Variants in PCDHGA6 observed in about 807,000 individuals in gnomAD.
The protein encoded by PCDHGA6 is protocadherin gamma subfamily A, 6.
A neutral mutation model predicts 60.6 loss-of-function variants in PCDHGA6; 41 were observed. That is an observed-to-expected ratio of 0.68 (90% confidence interval 0.53 to 0.88). PCDHGA6 has a LOEUF of 0.88. PCDHGA6 is among the 40% of genes least tolerant of loss of function. PCDHGA6 has a pLI of 0.00. For synonymous variants in PCDHGA6, 594 were observed against 524.4 expected (o/e 1.13, Z -1.81); for missense variants, 1,312 against 1,203.0 (o/e 1.09, Z -1.34).
Position 141,487,413 on chromosome 5 carries a change from A to G in PCDHGA6, c.2425-7394A>G, listed in dbSNP as rs1562119204. The G allele has an allele frequency of 1.2e-6, 2 of 1,614,172 alleles. No homozygotes were observed. The highest frequency in any genetic ancestry group is 2.2e-5 in the East Asian group (1 of 44,862). ...AGGAGGGAGGGGCTTCCCCCTTCCA[A>G]TGGGATCCTCCGAATCCAGCTAGGG... On this transcript the variant is annotated intron_variant, in intron 1 of 3. Coordinates refer to ENST00000517434, the MANE Select transcript of PCDHGA6 (RefSeq NM_018919.3). This position sits in a 1 kb window ranked among gnomAD's most constrained non-coding sequence, Gnocchi z 5.0.
rs553673516 is a variant in PCDHGA6, at chr5:141,476,211, T to C, written c.2425-18596T>C. The C allele has an allele frequency of 5.4e-5, 87 of 1,613,942 alleles. No individual in the cohort carries two copies. The highest frequency in any genetic ancestry group is 7.0e-5 in the Non-Finnish European group (83 of 1,180,000). ...GGTGCCTTGAACAAGGCTTCCACGG[T>C]CATTCACTATGAGATCCCGGAGGAA... On this transcript the variant is annotated intron_variant, in intron 1 of 3. Coordinates refer to ENST00000517434, the MANE Select transcript of PCDHGA6 (RefSeq NM_018919.3). The surrounding 1 kb of genome is among the most constrained non-coding windows in gnomAD (Gnocchi z 7.6).
At chr5:141,419,533 C>T in intron 1 of PCDHGA6, 1 of 1,612,106 alleles carries the variant, frequency 6.2e-7, no homozygotes, top group Non-Finnish European at 8.5e-7. Context: ...GTAACGACAA[C>T]GCACCGCGGG....
chr5:141,396,935 C>T (rs545100008), intron 1 of PCDHGA6, among the ~76,000 whole-genome samples: 1 of 152,240 alleles, frequency 6.6e-6, no homozygotes, highest in South Asian at 2.1e-4. Flanking sequence ...ATGAAAGTTG[C>T]CCTGGTAGGA....
intron 3 of PCDHGA6, among the ~76,000 whole-genome samples, chr5:141,509,583 A>G (rs1008344833): frequency 7.2e-5 from 11 of 152,320 alleles, no homozygotes; most frequent in African/African-American, 2.4e-4. Flanking sequence ...CGTACAAATC[A>G]GCTGGCAATT....
At chr5:141,503,729 G>C (rs531112359) in intron 2 of PCDHGA6, among the ~76,000 whole-genome samples, 1 of 152,190 alleles carries the variant, frequency 6.6e-6, no homozygotes, top group East Asian at 1.9e-4. Flanking sequence ...CTTTATGTTT[G>C]TTGTGATGGT....
chr5:141,478,347 C>T, intron 1 of PCDHGA6: 2 of 1,613,802 alleles, frequency 1.2e-6, no homozygotes, highest in Non-Finnish European at 1.7e-6. Context: ...TCCTTGCACG[C>T]GGACGCCGTG....
At position 141,400,132 on chromosome 5, in the gene PCDHGA6, C is replaced by T. The variant is rs762060556; in HGVS notation, c.2424+23625C>T. 6.3e-5 allele frequency: 101 copies of T among 1,613,964 alleles called. No individual in the cohort carries two copies. The highest frequency in any genetic ancestry group is 8.4e-5 in the Non-Finnish European group (99 of 1,179,904). On this transcript the variant is annotated intron_variant, in intron 1 of 3. Coordinates refer to ENST00000517434, the MANE Select transcript of PCDHGA6 (RefSeq NM_018919.3). ...TGCTGACAGCTTGCAGGAGGTGCTG[C>T]CGGATATCACTGACCGCCCTGTACC...
rs966009387 is a variant in PCDHGA6, at chr5:141,511,564, G to A, written c.*391G>A. The A allele has an allele frequency of 3.0e-5, 9 of 295,900 alleles. No individual in the cohort carries two copies. The highest frequency in any genetic ancestry group is 4.6e-5 in the Non-Finnish European group (7 of 151,798). The allele number at this position is 295,900 out of a possible 1,614,324, so 18.3% of individuals were successfully genotyped here. A position where few individuals can be genotyped will look rare whatever the true frequency, so the allele number is the denominator to read the frequency against. ...CCCACTCCAACAGTTCCTCTTTCCC[G>A]AGTAAGGTGGTTGGGGTGTTGAAGT... On this transcript the variant is annotated 3_prime_UTR_variant, in exon 4 of 4. Transcript: ENST00000517434.
chr5:141,421,931 A>T, intron 1 of PCDHGA6: 1 of 1,613,556 alleles, frequency 6.2e-7, no homozygotes, highest in East Asian at 2.2e-5. Context: ...GTGGTCCTCG[A>T]TGTAAATGAT....
rs372018713 is a variant in PCDHGA6, at chr5:141,418,097, C to G, written c.2424+41590C>G. ...GAAGCTGCACTTCAGCGTAGACGCG[C>G]AGAGCGGGGACTTACTTGTGAAGGA... On this transcript the variant is annotated intron_variant, in intron 1 of 3. Coordinates refer to ENST00000517434, the MANE Select transcript of PCDHGA6 (RefSeq NM_018919.3). The G allele has an allele frequency of 5.7e-4, 921 of 1,613,980 alleles. 9 individuals are homozygous for G. The South Asian group carries it at 6.8e-3, about 12-fold the overall frequency.
At chr5:141,404,233 AG>A (rs2094501302) in intron 1 of PCDHGA6, 1 of 1,613,628 alleles carries the variant, frequency 6.2e-7, no homozygotes, top group African/African-American at 1.3e-5. Flanking sequence ...CAACAGACAG[AG>A]GAACTCCGCC....
At chr5:141,414,167 A>T (rs2095716553) in intron 1 of PCDHGA6, 3 of 1,605,526 alleles carry the variant, frequency 1.9e-6, no homozygotes, top group Non-Finnish European at 2.6e-6. Flanking sequence ...GGAGGAGCAT[A>T]TCTTGCAACT....
chr5:141,400,267 T>C (rs749494967), intron 1 of PCDHGA6: 4 of 1,614,030 alleles, frequency 2.5e-6, no homozygotes, highest in Middle Eastern at 1.6e-4. Context: ...CCTGCGACGC[T>C]CCTCCAGCCC....
Position 141,490,749 on chromosome 5 carries a change from C to T in PCDHGA6, c.2425-4058C>T, listed in dbSNP as rs777124697. 3.1e-6 allele frequency: 5 copies of T among 1,614,098 alleles called. No individual in the cohort carries two copies. The South Asian group carries it at 5.5e-5, about 18-fold the overall frequency. ...GAAATCAGGTTCAGGGAGCCCCAGC[C>T]TCCTCCTTTGTGTATGTCAACCCAG... On this transcript the variant is annotated intron_variant, in intron 1 of 3. Coordinates refer to ENST00000517434, the MANE Select transcript of PCDHGA6 (RefSeq NM_018919.3). The surrounding 1 kb of genome is among the most constrained non-coding windows in gnomAD (Gnocchi z 5.4).
chr5:141,415,119 G>A, intron 1 of PCDHGA6: 1 of 1,613,666 alleles, frequency 6.2e-7, no homozygotes, highest in African/African-American at 1.3e-5. Flanking sequence ...GCCTCGTAGT[G>A]GCCGTCCAGG....
At chr5:141,420,259 G>A (rs775335307) in intron 1 of PCDHGA6, 8 of 1,564,678 alleles carry the variant, frequency 5.1e-6, no homozygotes, top group Non-Finnish European at 6.9e-6. Context: ...AAGCAGATAA[G>A]AAGATTCTTA....
Position 141,436,047 on chromosome 5 carries a change from T to G in PCDHGA6, c.2425-58760T>G, listed in dbSNP as rs141900903. On this transcript the variant is annotated intron_variant, in intron 1 of 3. Transcript: ENST00000517434. ...ATACTAAATTTGTATTTACATTAGT[T>G]TTCAAATAGAATTTAATAAGTACAG... is the stretch of plus-strand genomic sequence containing the variant. Among the ~76,000 whole-genome samples the G allele has an allele frequency of 1.0e-2, 1,517 of 152,280 alleles. 31 individuals carry two copies. The highest frequency in any genetic ancestry group is 0.034 in the African/African-American group (1,420 of 41,552).
intron 1 of PCDHGA6, chr5:141,413,330 T>G (rs770842309): frequency 6.2e-7 from 1 of 1,613,812 alleles, no homozygotes; most frequent in Non-Finnish European, 8.5e-7. Context: ...GTGGGCAACA[T>G]CTCCAAGGAC....
At position 141,512,348 on chromosome 5, in the gene PCDHGA6, G is replaced by C. The variant is rs1172891268; in HGVS notation, c.*1175G>C. 4 of 152,886 alleles carry C rather than the reference G, an allele frequency of 2.6e-5. No homozygotes were observed. The highest frequency in any genetic ancestry group is 9.6e-5 in the African/African-American group (4 of 41,462). The allele number at this position is 152,886 out of a possible 1,614,324, so 9.5% of individuals were successfully genotyped here. A position where few individuals can be genotyped will look rare whatever the true frequency, so the allele number is the denominator to read the frequency against. ...GGCCATTCTTAGTCCCTGGGTTGGG[G>C]AGGCAGGGAGCTAGGGCAGGGACCA... On this transcript the variant is annotated 3_prime_UTR_variant, in exon 4 of 4. Transcript: ENST00000517434.
Sources: gnomAD v4.1 joint callset for allele counts (sites outside exome capture counted in the v4.1 genomes callset) on GRCh38, gnomAD v4.1.1 for gene constraint, Gnocchi (gnomAD v3.1) non-coding constraint, MANE v1.5 for transcripts, NCBI Gene and HGNC (gene_info 2026-07-23, HGNC 2026-07-21) for gene names.